The following CSMD1 variants were observed in gnomAD, a reference collection of about 807,000 sequenced individuals.
CSMD1 encodes CUB and sushi domain-containing protein 1.
A neutral mutation model predicts 417.5 loss-of-function variants in CSMD1; 213 were observed. That is an observed-to-expected ratio of 0.51 (90% confidence interval 0.46 to 0.57). The LOEUF (loss-of-function observed/expected upper bound fraction) is 0.57. Among genes scored for constraint, CSMD1 ranks in the 20% least tolerant of loss-of-function variants. The probability of loss-of-function intolerance (pLI) is 0.00; values close to 1 mark genes in which losing one functional copy is unlikely to be tolerated. For synonymous variants in CSMD1, 2,862 were observed against 1,736.8 expected (o/e 1.65, Z -16.11); for missense variants, 6,923 against 4,529.7 (o/e 1.53, Z -15.17).
At chr8:3,437,029 T>TA (rs1160590599) in intron 12 of CSMD1, among the ~76,000 whole-genome samples, 1 of 152,210 alleles carries the variant, frequency 6.6e-6, no homozygotes, top group Non-Finnish European at 1.5e-5. Flanking sequence ...ATTGCTCATT[T>TA]AAAGTGTGGA....
chr8:4,564,947 AT>A (rs1488545589), intron 2 of CSMD1, among the ~76,000 whole-genome samples: 1 of 152,148 alleles, frequency 6.6e-6, no homozygotes, highest in African/African-American at 2.4e-5. Flanking sequence ...AGTGTTATGA[AT>A]TTTTGTGCTC....
At chr8:4,240,232 G>A (rs1802310801) in intron 3 of CSMD1, among the ~76,000 whole-genome samples, 1 of 152,236 alleles carries the variant, frequency 6.6e-6, no homozygotes, top group South Asian at 2.1e-4. Flanking sequence ...CGTAGCTTGT[G>A]CTAACCTGTT....
intron 5 of CSMD1, among the ~76,000 whole-genome samples, chr8:3,956,904 T>A (rs577903550): frequency 6.6e-6 from 1 of 152,176 alleles, no homozygotes; most frequent in South Asian, 2.1e-4. Flanking sequence ...CTCTGCATTG[T>A]TGCAAACACT....
intron 10 of CSMD1, among the ~76,000 whole-genome samples, chr8:3,504,205 C>T (rs936885099): frequency 1.3e-5 from 2 of 151,768 alleles, no homozygotes; most frequent in Non-Finnish European, 2.9e-5. Flanking sequence ...CTGCATGTAC[C>T]CCATAAACAG....
At chr8:4,313,933 G>C (rs1378179493) in intron 3 of CSMD1, among the ~76,000 whole-genome samples, 3 of 151,960 alleles carry the variant, frequency 2.0e-5, no homozygotes, top group African/African-American at 7.3e-5. Flanking sequence ...AGAGTCACTT[G>C]AACCTGGGAG....
intron 47 of CSMD1, among the ~76,000 whole-genome samples, chr8:3,093,666 C>G (rs1364666621): frequency 6.7e-6 from 1 of 150,332 alleles, no homozygotes; most frequent in East Asian, 1.9e-4. Flanking sequence ...AAAATTCTGT[C>G]TCAAAAAAAA....
At chr8:4,026,219 G>A (rs867663696) in intron 4 of CSMD1, among the ~76,000 whole-genome samples, 2 of 152,104 alleles carry the variant, frequency 1.3e-5, no homozygotes, top group African/African-American at 4.8e-5. Context: ...AAATCCATGA[G>A]AAACTGTGCT....
intron 26 of CSMD1, among the ~76,000 whole-genome samples, chr8:3,260,092 G>A (rs1326198832): frequency 5.3e-5 from 8 of 152,090 alleles, no homozygotes; most frequent in Admixed American, 5.2e-4. Flanking sequence ...CATTTATATG[G>A]CATTTTTCTT....
chr8:3,822,623 T>C (rs972753129), intron 5 of CSMD1, among the ~76,000 whole-genome samples: 4 of 152,222 alleles, frequency 2.6e-5, no homozygotes, highest in Non-Finnish European at 5.9e-5. Flanking sequence ...TGTCACCCGC[T>C]ACCTCTACTT....
chr8:4,155,530 A>T (rs1387303309), intron 3 of CSMD1, among the ~76,000 whole-genome samples: 1 of 152,196 alleles, frequency 6.6e-6, no homozygotes, highest in Admixed American at 6.5e-5. Flanking sequence ...AAATGGTTAA[A>T]AAAGTTAAGT....
At chr8:3,523,509 T>A (rs942984439) in intron 10 of CSMD1, among the ~76,000 whole-genome samples, 1 of 151,952 alleles carries the variant, frequency 6.6e-6, no homozygotes, top group East Asian at 2.0e-4. Flanking sequence ...AGAAAGGTGA[T>A]CTGACGTGAA....
At chr8:4,982,425 G>C (rs1389908345) in intron 1 of CSMD1, among the ~76,000 whole-genome samples, 2 of 152,138 alleles carry the variant, frequency 1.3e-5, no homozygotes, top group African/African-American at 4.8e-5. Flanking sequence ...AAATTATCTT[G>C]CTACAAATAC....
intron 10 of CSMD1, among the ~76,000 whole-genome samples, chr8:3,530,868 T>C (rs1299937003): frequency 1.3e-5 from 2 of 150,688 alleles, no homozygotes; most frequent in African/African-American, 4.9e-5. Flanking sequence ...TTTCCTATTT[T>C]TTTTTTTAAG....
At chr8:3,361,201 T>A (rs1263087291) in intron 20 of CSMD1, among the ~76,000 whole-genome samples, 1 of 152,240 alleles carries the variant, frequency 6.6e-6, no homozygotes, top group Non-Finnish European at 1.5e-5. Flanking sequence ...GTTTACTTTT[T>A]AGAACATATT....
rs892870181 is a variant in CSMD1, at chr8:4,855,549, C to T, written c.85+138783G>A. 2.1e-3 allele frequency among the ~76,000 whole-genome samples: 312 copies of T among 152,044 alleles called. 1 individual carries two copies. Among genetic ancestry groups the T allele is most frequent in the African/African-American group, 6.9e-3 (288 of 41,486 alleles). Reference sequence around the variant, plus strand: ...TAGAAGAATGTATAACTAGAATAACCAATACCAAGAACTGCTTAAAGGAGC... The same window carrying T: ...TAGAAGAATGTATAACTAGAATAACTAATACCAAGAACTGCTTAAAGGAGC... On this transcript the variant is annotated intron_variant, in intron 1 of 69. Coordinates refer to ENST00000635120, the MANE Select transcript of CSMD1 (RefSeq NM_033225.6).
chr8:4,835,682 T>C (rs1042476546), intron 1 of CSMD1, among the ~76,000 whole-genome samples: 1 of 152,168 alleles, frequency 6.6e-6, no homozygotes, highest in Non-Finnish European at 1.5e-5. Context: ...TTTTCTTTTA[T>C]TTGCCACAAT....
chr8:4,117,396 C>G (rs903816460), intron 3 of CSMD1, among the ~76,000 whole-genome samples: 2 of 152,040 alleles, frequency 1.3e-5, no homozygotes, highest in African/African-American at 4.8e-5. Context: ...AGCTCCCAAG[C>G]TGAACCTCTG....
chr8:4,163,210 T>C (rs1440140390), intron 3 of CSMD1, among the ~76,000 whole-genome samples: 1 of 152,296 alleles, frequency 6.6e-6, no homozygotes, highest in East Asian at 1.9e-4. Context: ...GGCAGGTTTT[T>C]CAGTACACGT....
chr8:3,838,268 G>C (rs1013871296), intron 5 of CSMD1, among the ~76,000 whole-genome samples: 1 of 151,958 alleles, frequency 6.6e-6, no homozygotes, highest in East Asian at 1.9e-4. Flanking sequence ...GGGCATAATG[G>C]CTCACACCTG....
Sources: gnomAD v4.1 joint callset for allele counts (sites outside exome capture counted in the v4.1 genomes callset) on GRCh38, gnomAD v4.1.1 for gene constraint, MANE v1.5 for transcripts, NCBI Gene and HGNC (gene_info 2026-07-23, HGNC 2026-07-21) for gene names.